The following RNF175 variants were observed in gnomAD, a reference collection of about 807,000 sequenced individuals.
RNF175 encodes the protein ring finger protein 175.
A neutral mutation model predicts 50.0 loss-of-function variants in RNF175; 38 were observed. The ratio of observed to expected loss-of-function variants is 0.76; its 90% CI spans 0.59 to 1.00. RNF175 has a LOEUF of 1.00. Among genes scored for constraint, RNF175 ranks in the 50% least tolerant of loss-of-function variants. RNF175 has a pLI of 0.00. For missense variants in RNF175, 388 were observed against 409.6 expected, an observed-to-expected ratio of 0.95 and a Z score of 0.46; for synonymous variants, 155 against 146.1, an observed-to-expected ratio of 1.06 and a Z score of -0.44.
At chr4:153,754,227 T>G (rs1740453150) in intron 1 of RNF175, among the ~76,000 whole-genome samples, 1 of 151,058 alleles carries the variant, frequency 6.6e-6, no homozygotes, top group Non-Finnish European at 1.5e-5. Context: ...AGACCTTGAT[T>G]GGAGAGAGAT....
intron 6 of RNF175, among the ~76,000 whole-genome samples, chr4:153,718,708 A>T (rs1045123803): frequency 9.9e-5 from 15 of 152,184 alleles, no homozygotes; most frequent in Non-Finnish European, 5.9e-5. Flanking sequence ...GAAACTGGGA[A>T]TAAAAATACT....
At chr4:153,745,385 G>T (rs1037204840) in intron 3 of RNF175, among the ~76,000 whole-genome samples, 1 of 152,174 alleles carries the variant, frequency 6.6e-6, no homozygotes, top group Non-Finnish European at 1.5e-5. Context: ...TAAACATTGT[G>T]ATGGCAAGGT....
intron 6 of RNF175, among the ~76,000 whole-genome samples, chr4:153,718,253 G>A (rs12502787): frequency 4.2e-4 from 29 of 68,678 alleles, no homozygotes; most frequent in African/African-American, 2.1e-3. Flanking sequence ...TTTTTTTTTT[G>A]AAGCAGATGC....
chr4:153,755,136 G>A (rs1187511858), intron 1 of RNF175, among the ~76,000 whole-genome samples: 1 of 152,260 alleles, frequency 6.6e-6, no homozygotes, highest in Non-Finnish European at 1.5e-5. Context: ...TTAGACACGT[G>A]GCACGAGGGC....
intron 3 of RNF175, among the ~76,000 whole-genome samples, chr4:153,747,162 ACTTG>A (rs1343431050): frequency 3.9e-5 from 6 of 152,284 alleles, no homozygotes; most frequent in Middle Eastern, 3.4e-3. Context: ...TGTCTTGATT[ACTTG>A]CACCTGGCTT....
intron 1 of RNF175, among the ~76,000 whole-genome samples, chr4:153,752,713 T>C (rs925085565): frequency 4.6e-5 from 7 of 152,190 alleles, no homozygotes; most frequent in Non-Finnish European, 1.0e-4. Context: ...AAATACATTA[T>C]AGTCCTCAAT....
At chr4:153,748,230 A>G (rs1740083193) in intron 3 of RNF175, among the ~76,000 whole-genome samples, 1 of 152,190 alleles carries the variant, frequency 6.6e-6, no homozygotes, top group African/African-American at 2.4e-5. Flanking sequence ...TGGCTATTCT[A>G]ATCCTCCTTT....
chr4:153,742,040 C>T (rs1312023480), intron 3 of RNF175, among the ~76,000 whole-genome samples: 7 of 151,962 alleles, frequency 4.6e-5, no homozygotes, highest in Admixed American at 4.6e-4. Context: ...GGAGGCCAGC[C>T]GAGGCAGGCG....
chr4:153,717,252 C>T (rs966495178), intron 6 of RNF175, among the ~76,000 whole-genome samples: 1 of 152,142 alleles, frequency 6.6e-6, no homozygotes, highest in African/African-American at 2.4e-5. Flanking sequence ...TGACATATCC[C>T]CAATCACTGT....
Position 153,748,770 on chromosome 4 carries a change from T to A in RNF175, c.121A>T (p.Met41Leu). Residue 41 changes from methionine (M) to leucine (L), a missense_variant, in exon 3 of 9, where the codon ATG (methionine) becomes TTG (leucine). Met to Leu is a conservative substitution (Grantham distance 15). Transcript: ENST00000347063. ...TCGTGGCCCCGGTGCATCTTGTACA[T>A]CCTCTCCTGCTGCAGGCTGGAACCA... ...EDTWNLQQER[M>L]YKMHRGHDSM... 6.2e-7 allele frequency: 1 copy of A among 1,612,252 alleles called. No individual in the cohort carries two copies. The highest frequency in any genetic ancestry group is 1.1e-5 in the South Asian group (1 of 90,606).
intron 3 of RNF175, among the ~76,000 whole-genome samples, chr4:153,738,555 G>C (rs1406348046): frequency 5.3e-5 from 8 of 151,916 alleles, no homozygotes; most frequent in Non-Finnish European, 1.2e-4. Context: ...AATATAGCTG[G>C]TCCAGCTTTC....
chr4:153,710,636 G>A (rs1347320681), intron 8 of RNF175, 147 bp from the exon 9 acceptor site: 2 of 710,458 alleles, frequency 2.8e-6, no homozygotes, highest in African/African-American at 3.6e-5. Context: ...CCCCTTATGT[G>A]AGTTTTATAG....
intron 5 of RNF175, 185 bp downstream of exon 5, chr4:153,723,166 T>C (rs991978765): frequency 4.7e-5 from 18 of 381,504 alleles, no homozygotes; most frequent in African/African-American, 3.2e-4. Context: ...AATTATTTTG[T>C]AGGGTGCTTC....
At chr4:153,732,335 CTTTT>C (rs957543306) in intron 3 of RNF175, among the ~76,000 whole-genome samples, 37 of 152,132 alleles carry the variant, frequency 2.4e-4, no homozygotes, top group African/African-American at 8.7e-4. Flanking sequence ...AGTTGGTTCA[CTTTT>C]TTTAATCTCC....
At chr4:153,716,096 C>G (rs983086224) in intron 6 of RNF175, among the ~76,000 whole-genome samples, 1 of 149,230 alleles carries the variant, frequency 6.7e-6, no homozygotes, top group Non-Finnish European at 1.5e-5. Context: ...AGAATCTCCA[C>G]TGCTTCTAAG....
chr4:153,758,677 A>AT (rs1238150553), intron 1 of RNF175, among the ~76,000 whole-genome samples: 4 of 151,602 alleles, frequency 2.6e-5, no homozygotes, highest in African/African-American at 7.3e-5. Context: ...GCCCACCCTT[A>AT]TTTTTTGCTA....
chr4:153,712,716 T>C (rs1215369137), intron 7 of RNF175, 140 bp from the exon 8 acceptor site: 10 of 646,772 alleles, frequency 1.5e-5, no homozygotes, highest in Non-Finnish European at 2.5e-5. Context: ...GGAGGTTCTG[T>C]AAGGGACCTG....
At chr4:153,740,818 G>A (rs1033365604) in intron 3 of RNF175, among the ~76,000 whole-genome samples, 1 of 152,158 alleles carries the variant, frequency 6.6e-6, no homozygotes, top group African/African-American at 2.4e-5. Context: ...ATGATGTATT[G>A]AGTAATAGAA....
intron 6 of RNF175, among the ~76,000 whole-genome samples, chr4:153,718,236 TTG>T (rs1560770806): frequency 6.1e-5 from 7 of 115,396 alleles, no homozygotes; most frequent in South Asian, 2.7e-4. Flanking sequence ...GTTTGTTTGT[TTG>T]TTTTTTTTTT....
Sources: gnomAD v4.1 joint callset for allele counts (sites outside exome capture counted in the v4.1 genomes callset) on GRCh38, gnomAD v4.1.1 for gene constraint, MANE v1.5 for transcripts, NCBI Gene and HGNC (gene_info 2026-07-23, HGNC 2026-07-21) for gene names.